KCTD20: variants seen among roughly 807,000 people sequenced by gnomAD.
KCTD20 encodes potassium channel tetramerization domain containing 20, also known as BTB/POZ domain-containing protein KCTD20.
KCTD20 carries 30 observed loss-of-function variants against 39.6 expected under a neutral mutation model. The ratio of observed to expected loss-of-function variants is 0.76; its 90% confidence interval spans 0.57 to 1.03. KCTD20 has a LOEUF of 1.03. Among genes scored for constraint, KCTD20 ranks in the 50% least tolerant of loss-of-function variants. The pLI is 0.00. For synonymous variants in KCTD20, 162 were observed against 180.6 expected, an observed-to-expected ratio of 0.90 and a Z score of 0.83; for missense variants, 422 against 522.0, an observed-to-expected ratio of 0.81 and a Z score of 1.87.
At chr6:36,470,385 A>C (rs1582343477) in intron 2 of KCTD20, 128 bp downstream of exon 2, 2 of 853,688 alleles carry the variant, frequency 2.3e-6, no homozygotes, top group East Asian at 5.1e-5. Flanking sequence ...TGCATGTCAC[A>C]ATTACATAAA....
intron 5 of KCTD20, among the ~76,000 whole-genome samples, chr6:36,480,224 A>C (rs1013115340): frequency 6.6e-6 from 1 of 152,090 alleles, no homozygotes; most frequent in African/African-American, 2.4e-5. Context: ...GGAGTAGACA[A>C]AGGAAAACAG....
chr6:36,478,783 GCCA>G (rs938295466), intron 3 of KCTD20, among the ~76,000 whole-genome samples: 1 of 152,116 alleles, frequency 6.6e-6, no homozygotes, highest in Non-Finnish European at 1.5e-5. Flanking sequence ...GGCATGAAAG[GCCA>G]CCATCTCAAC....
intron 1 of KCTD20, among the ~76,000 whole-genome samples, chr6:36,466,297 A>G (rs1775750737): frequency 6.6e-6 from 1 of 151,410 alleles, no homozygotes; most frequent in Non-Finnish European, 1.5e-5. Flanking sequence ...TCCTAACCTC[A>G]GGTGATCCGC....
chr6:36,478,342 C>A (rs747416048), intron 3 of KCTD20, among the ~76,000 whole-genome samples: 4 of 152,068 alleles, frequency 2.6e-5, no homozygotes, highest in Non-Finnish European at 4.4e-5. Flanking sequence ...ATTTAGACTG[C>A]AAGGGATCTG....
rs1001914703 is a variant in KCTD20 at position 36,488,902 on chromosome 6, T to C, written c.*1727T>C. ...ACTAGAATGTAGTAAGTGGTTAAACTGAGCTATCCCCCACCTGATGACTAT... is the reference window on the plus strand; with the variant it reads ...ACTAGAATGTAGTAAGTGGTTAAACCGAGCTATCCCCCACCTGATGACTAT... On this transcript the variant is annotated 3_prime_UTR_variant, in exon 8 of 8. Transcript: ENST00000373731. The C allele has an allele frequency of 6.5e-6, 1 of 152,692 alleles. No homozygotes were observed. The highest frequency in any genetic ancestry group is 2.4e-5 in the African/African-American group (1 of 41,462). The allele number at this position is 152,692 out of a possible 1,614,324, so 9.5% of individuals were successfully genotyped here.
At chr6:36,445,933 G>A (rs1340808994) in intron 1 of KCTD20, among the ~76,000 whole-genome samples, 1 of 151,574 alleles carries the variant, frequency 6.6e-6, no homozygotes, top group Non-Finnish European at 1.5e-5. Context: ...CTAATAATAA[G>A]GAACTCTTTG....
At chr6:36,480,491 C>T (rs1776212637) in intron 5 of KCTD20, among the ~76,000 whole-genome samples, 1 of 147,626 alleles carries the variant, frequency 6.8e-6, no homozygotes, top group African/African-American at 2.5e-5. Flanking sequence ...CTTCTGGCCT[C>T]AAGCAGTCCT....
intron 1 of KCTD20, chr6:36,443,343 G>T (rs1311496083): frequency 6.6e-6 from 1 of 152,324 alleles, no homozygotes; most frequent in Non-Finnish European, 1.5e-5. Context: ...GGTGATCCTG[G>T]GGAGGGAGGC....
At chr6:36,471,911 C>T (rs886827983) in intron 2 of KCTD20, among the ~76,000 whole-genome samples, 33 of 150,902 alleles carry the variant, frequency 2.2e-4, no homozygotes, top group Middle Eastern at 6.8e-3. Flanking sequence ...TGCGGTGGCG[C>T]GATCTCGGCT....
intron 1 of KCTD20, among the ~76,000 whole-genome samples, chr6:36,463,335 A>G (rs943585678): frequency 3.3e-5 from 5 of 152,160 alleles, no homozygotes; most frequent in Non-Finnish European, 7.3e-5. Context: ...CCATGGAGTG[A>G]TTTCCAGGAT....
At chr6:36,451,387 A>C (rs1396417828) in intron 1 of KCTD20, 1 of 152,238 alleles carries the variant, frequency 6.6e-6, no homozygotes, top group Non-Finnish European at 1.5e-5. Context: ...GTGATTCTAC[A>C]GTTAAGGGAG....
chr6:36,489,880 A>C lies in KCTD20; in HGVS notation c.*2705A>C, dbSNP rs1196893029. 6.6e-6 allele frequency: 1 copy of C among 152,184 alleles called. No individual in the cohort carries two copies. The allele number at this position is 152,184 out of a possible 1,614,324, so 9.4% of individuals were successfully genotyped here. On this transcript the variant is annotated 3_prime_UTR_variant, in exon 8 of 8. Transcript: ENST00000373731. ...TTTGATGAGGAAACATTTGCCACTGAGGAGTTGGAGGGAGGGCAAGACGAC... is the reference window on the plus strand; with the variant it reads ...TTTGATGAGGAAACATTTGCCACTGCGGAGTTGGAGGGAGGGCAAGACGAC...
intron 2 of KCTD20, among the ~76,000 whole-genome samples, chr6:36,471,532 T>A (rs1775910255): frequency 6.6e-6 from 1 of 152,192 alleles, no homozygotes; most frequent in Non-Finnish European, 1.5e-5. Context: ...CTTACAACTA[T>A]TATCCTTGTT....
intron 1 of KCTD20, among the ~76,000 whole-genome samples, chr6:36,446,077 A>G (rs1775038948): frequency 7.4e-6 from 1 of 134,614 alleles, no homozygotes; most frequent in Admixed American, 8.6e-5. Flanking sequence ...CCCAGGCTGG[A>G]GTGCAATGGC....
rs1355248036 is a variant in KCTD20, at chr6:36,475,061, AG to A, written c.434+1del. ...TGCTCATCCGGATACCATGCTGGGA[AG>A]GTAACTGATGATAATTTTCTTCCAA... ...FTAHPDTMLG[R>X]MFGPGREYNF... On this transcript the variant is annotated frameshift_variant and splice_region_variant, in exon 3 of 8. Transcript: ENST00000373731. LOFTEE classifies it high-confidence loss of function. The A allele has an allele frequency of 6.2e-7, 1 of 1,609,164 alleles. No homozygotes were observed. Among genetic ancestry groups the A allele is most frequent in the East Asian group, 2.2e-5 (1 of 44,850 alleles).
intron 1 of KCTD20, among the ~76,000 whole-genome samples, chr6:36,455,702 C>T (rs545569600): frequency 1.2e-4 from 19 of 152,072 alleles, no homozygotes; most frequent in African/African-American, 4.1e-4. Flanking sequence ...GTCTGAAACC[C>T]GTAAGACAGG....
In KCTD20 at chr6:36,484,791, C is replaced by T. The variant is rs762673810; in HGVS notation, c.934C>T (p.Arg312Trp). The T allele has an allele frequency of 2.4e-5, 39 of 1,592,608 alleles. No individual in the cohort carries two copies. The highest frequency in any genetic ancestry group is 4.5e-5 in the East Asian group (2 of 44,462). ...TGTTGCAAAAACAGTGTTAAAGGAA[C>T]GGGGCCTAAAAAACATTCGCATTGG... ...RDVAKTVLKE[R>W]GLKNIRIGIE... is the part of the protein sequence containing the mutation. Residue 312 changes from arginine (R) to tryptophan (W), a missense_variant, in exon 7 of 8, where the codon CGG (arginine) becomes TGG (tryptophan). By Grantham distance (101) the Arg-to-Trp change is moderately radical. Coordinates refer to ENST00000373731, the MANE Select transcript of KCTD20 (RefSeq NM_173562.5).
At chr6:36,471,970 T>C (rs1340869784) in intron 2 of KCTD20, among the ~76,000 whole-genome samples, 1 of 151,680 alleles carries the variant, frequency 6.6e-6, no homozygotes, top group Non-Finnish European at 1.5e-5. Flanking sequence ...TGCCTCAGCC[T>C]CCCAAGTAGC....
intron 5 of KCTD20, among the ~76,000 whole-genome samples, chr6:36,479,990 G>C (rs1473002457): frequency 6.6e-6 from 1 of 151,708 alleles, no homozygotes; most frequent in Non-Finnish European, 1.5e-5. Flanking sequence ...ATAGGGTTTT[G>C]CCATGTTGGC....
Sources: gnomAD v4.1 joint callset for allele counts (sites outside exome capture counted in the v4.1 genomes callset) on GRCh38, gnomAD v4.1.1 for gene constraint, MANE v1.5 for transcripts, NCBI Gene and HGNC (gene_info 2026-07-23, HGNC 2026-07-21) for gene names.